Variants in PATJ observed in about 807,000 individuals in gnomAD.
The protein encoded by PATJ is PATJ crumbs cell polarity complex component.
Under a neutral mutation model 224.9 loss-of-function variants are expected in PATJ, and 190 were observed. The observed-to-expected ratio is 0.84, with a 90% CI of 0.75 to 0.95. The LOEUF (loss-of-function observed/expected upper bound fraction) is 0.95, where lower values mean the gene tolerates loss of function less well. Ranked by LOEUF, PATJ falls within the 40% of genes least tolerant of loss-of-function variation. The pLI is 0.00. For missense variants in PATJ, 2,121 were observed against 2,270.3 expected (o/e 0.93, Z 1.34); for synonymous variants, 769 against 820.3 (o/e 0.94, Z 1.07).
intron 30 of PATJ, among the ~76,000 whole-genome samples, chr1:62,042,352 G>A (rs1405989716): frequency 1.3e-5 from 2 of 152,142 alleles, no homozygotes; most frequent in African/African-American, 4.8e-5. Context: ...TGGGCGGTAT[G>A]TGAAGAGGAC....
intron 17 of PATJ, among the ~76,000 whole-genome samples, chr1:61,851,214 C>T (rs1162398515): frequency 1.3e-5 from 2 of 152,058 alleles, no homozygotes; most frequent in Non-Finnish European, 2.9e-5. Context: ...ACAGGAAGAC[C>T]AAACTAATTC....
rs570238080 is a variant in PATJ at position 61,797,368 on chromosome 1, A to G, written c.1342A>G (p.Thr448Ala). 35 of 1,613,904 alleles carry G rather than the reference A, an allele frequency of 2.2e-5. No homozygotes were observed. The South Asian group carries it at 3.6e-4, about 17-fold the overall frequency. ...LRNAGQVVHLTLVRRKTSSST... is the reference protein window; with the variant it reads ...LRNAGQVVHLALVRRKTSSST... ...AAATGCAGGGCAGGTGGTACACCTA[A>G]CCCTAGTTCGAAGGAAGACATCCTC... The change falls in exon 11 of 44, where the codon ACC (threonine) becomes GCC (alanine). Residue 448 changes from threonine to alanine, a missense_variant. Thr to Ala is a moderately conservative substitution (Grantham distance 58, BLOSUM62 0). Coordinates refer to ENST00000642238, the MANE Select transcript of PATJ (RefSeq NM_001350145.3).
intron 9 of PATJ, among the ~76,000 whole-genome samples, chr1:61,794,349 C>T (rs1190255508): frequency 1.3e-5 from 2 of 151,176 alleles, no homozygotes; most frequent in African/African-American, 4.9e-5. Context: ...CCCACTATGT[C>T]ACCCAGGCTG....
intron 17 of PATJ, among the ~76,000 whole-genome samples, chr1:61,839,869 C>T (rs114279049): frequency 0.015 from 2,300 of 151,968 alleles, 70 homozygotes; most frequent in African/African-American, 0.052. Flanking sequence ...TTTTATCTCT[C>T]TCAAAGTCTG....
At chr1:62,160,767 A>G (rs1219664993) in intron 43 of PATJ, 141 bp from the exon 44 acceptor site, 4 of 719,870 alleles carry the variant, frequency 5.6e-6, no homozygotes, top group Admixed American at 3.2e-5. Context: ...AATTTAAAAC[A>G]TTACCTAGAA....
chr1:62,031,130 C>G (rs150862457), intron 29 of PATJ, among the ~76,000 whole-genome samples: 7 of 152,320 alleles, frequency 4.6e-5, no homozygotes, highest in African/African-American at 1.4e-4. Context: ...ACATACCCGT[C>G]AGGGTTCCTT....
rs546537138 is a variant in PATJ, at chr1:62,092,491, G to A, written c.4377+7843G>A. On this transcript the variant is annotated intron_variant, in intron 33 of 43. Transcript: ENST00000642238. ...TGGAATTTTTTTTTTTTTTTTAGAC[G>A]GAGTCTCACTCTTGTCGTCCAGGCT... Among the ~76,000 whole-genome samples, 587 of 148,772 alleles carry A rather than the reference G, an allele frequency of 3.9e-3. 1 individual carries two copies. Among genetic ancestry groups the A allele is most frequent in the Non-Finnish European group, 7.1e-3 (476 of 67,374 alleles).
chr1:61,968,598 T>C (rs1682501072), intron 27 of PATJ, among the ~76,000 whole-genome samples: 1 of 152,162 alleles, frequency 6.6e-6, no homozygotes, highest in Admixed American at 6.5e-5. Context: ...CTAGGGTACA[T>C]GTGCACAACG....
In PATJ at chr1:61,864,245, G is replaced by C. The variant is rs1665064793; in HGVS notation, c.2447G>C (p.Arg816Thr). The change falls in exon 20 of 44, where the codon AGA (arginine) becomes ACA (threonine). Residue 816 changes from arginine (R) to threonine (T), a missense_variant. Transcript: ENST00000642238. Reference protein sequence around the residue: ...SLILEAPKGFRDEPYFKEELV... With the variant: ...SLILEAPKGFTDEPYFKEELV... ...TGCATCTTTTATTTATAGGGATTTAGAGATGAACCATATTTTAAAGAAGAA... is the reference window on the plus strand; with the variant it reads ...TGCATCTTTTATTTATAGGGATTTACAGATGAACCATATTTTAAAGAAGAA... The C allele has an allele frequency of 6.2e-7, 1 of 1,607,246 alleles. No individual in the cohort carries two copies. Among genetic ancestry groups the C allele is most frequent in the African/African-American group, 1.3e-5 (1 of 74,380 alleles).
chr1:61,763,301 T>C (rs747222909), intron 3 of PATJ, 122 bp downstream of exon 3: 5 of 515,570 alleles, frequency 9.7e-6, no homozygotes, highest in Non-Finnish European at 1.6e-5. Flanking sequence ...GCAAAGAGAC[T>C]GTATTGGGAC....
chr1:61,787,061 T>A (rs1193266761), intron 7 of PATJ, among the ~76,000 whole-genome samples: 1 of 152,156 alleles, frequency 6.6e-6, no homozygotes, highest in East Asian at 1.9e-4. Context: ...ACCCCAACTG[T>A]GAAACACACC....
In PATJ at chr1:62,136,530, A is replaced by G. The variant is rs539150235; in HGVS notation, c.5271+7585A>G. On this transcript the variant is annotated intron_variant, in intron 41 of 43. Transcript: ENST00000642238. ...TTCTGTAATGTGTCCCCATCTTAAG[A>G]TGCCAGCTTTCTCAGGGATCACCTT... 2.2e-4 allele frequency among the ~76,000 whole-genome samples: 32 copies of G among 146,410 alleles called. No homozygotes were observed. The East Asian group carries it at 6.5e-3, about 30-fold the overall frequency.
intron 27 of PATJ, among the ~76,000 whole-genome samples, chr1:61,974,965 G>GA (rs1644048438): frequency 6.6e-6 from 1 of 151,674 alleles, no homozygotes; most frequent in Admixed American, 6.6e-5. Flanking sequence ...TTTTGTTTTT[G>GA]ACAGAGTTTC....
At chr1:61,804,408 G>A (rs151005830) in intron 12 of PATJ, among the ~76,000 whole-genome samples, 4 of 152,170 alleles carry the variant, frequency 2.6e-5, no homozygotes, top group Non-Finnish European at 5.9e-5. Flanking sequence ...AGGTTAGCCT[G>A]TTTCACTTAA....
intron 22 of PATJ, among the ~76,000 whole-genome samples, chr1:61,897,004 A>AT (rs1670464854): frequency 6.6e-6 from 1 of 152,192 alleles, no homozygotes; most frequent in Non-Finnish European, 1.5e-5. Flanking sequence ...AGTGCATAAT[A>AT]TATTGAGATA....
chr1:62,046,234 AAGGG>A (rs576245069), intron 30 of PATJ, among the ~76,000 whole-genome samples: 1,435 of 128,442 alleles, frequency 0.011, 20 homozygotes, highest in African/African-American at 0.028. Context: ...GAAAGGAAGG[AAGGG>A]AGGGAGGGAG....
intron 1 of PATJ, among the ~76,000 whole-genome samples, chr1:61,748,122 A>AC (rs1645117819): frequency 6.7e-6 from 1 of 149,950 alleles, no homozygotes; most frequent in African/African-American, 2.5e-5. Context: ...CTCGTGATCC[A>AC]CCCGCCTCGG....
rs760682515 is a variant in PATJ, at chr1:61,808,525, T to G, written c.1678T>G (p.Ser560Ala). 1 of 1,598,786 alleles carries G rather than the reference T, an allele frequency of 6.3e-7. No homozygotes were observed. Among genetic ancestry groups the G allele is most frequent in the Non-Finnish European group, 8.6e-7 (1 of 1,166,984 alleles). ...AGATGATGCTGAGTTACAGAAATAT[T>G]CAAAGGTAAGCATTTTTTATAACAA... is the stretch of plus-strand genomic sequence containing the variant. ...IADDAELQKYSKLLPIHTLRL... is the reference protein window; with the variant it reads ...IADDAELQKYAKLLPIHTLRL... Residue 560 changes from serine (S) to alanine (A), a missense_variant, in exon 14 of 44, where the codon TCA becomes GCA. By Grantham distance (99) the Ser-to-Ala change is moderately conservative (BLOSUM62 1). Transcript: ENST00000642238.
At chr1:61,770,276 A>C (rs1446735419) in intron 5 of PATJ, among the ~76,000 whole-genome samples, 1 of 152,176 alleles carries the variant, frequency 6.6e-6, no homozygotes. Flanking sequence ...AAACAGGAAG[A>C]GGAAGAATAT....
Sources: allele counts gnomAD v4.1 joint callset (sites outside exome capture counted in the v4.1 genomes callset), GRCh38; gene constraint gnomAD v4.1.1; transcripts MANE v1.5; gene names NCBI Gene and HGNC (gene_info 2026-07-23, HGNC 2026-07-21).